Variants in HTR1F observed in about 807,000 individuals in gnomAD.
HTR1F encodes 5-hydroxytryptamine receptor 1F, also known as 5-hydroxytryptamine (serotonin) receptor 1F, G protein-coupled.
Under a neutral mutation model 24.0 loss-of-function variants are expected in HTR1F, and 17 were observed. The observed-to-expected ratio is 0.71, with a 90% CI of 0.48 to 1.06. The LOEUF (loss-of-function observed/expected upper bound fraction) is 1.06. Among genes scored for constraint, HTR1F ranks in the 50% least tolerant of loss-of-function variants. The pLI is 0.00. For synonymous variants in HTR1F, 186 were observed against 156.8 expected, an observed-to-expected ratio of 1.19 and a Z score of -1.39; for missense variants, 391 against 427.8, an observed-to-expected ratio of 0.91 and a Z score of 0.76.
At chr3:87,889,741 T>A (rs1706037974) in intron 2 of HTR1F, among the ~76,000 whole-genome samples, 2 of 152,190 alleles carry the variant, frequency 1.3e-5, no homozygotes, top group South Asian at 4.1e-4. Context: ...TTATTTAATG[T>A]CTGGAAACCT....
At chr3:87,850,359 C>CA (rs1705056371) in intron 2 of HTR1F, among the ~76,000 whole-genome samples, 1 of 151,640 alleles carries the variant, frequency 6.6e-6, no homozygotes, top group Non-Finnish European at 1.5e-5. Flanking sequence ...ATCGCAAGGA[C>CA]AAAAAACCAA....
intron 2 of HTR1F, among the ~76,000 whole-genome samples, chr3:87,977,719 C>T (rs557241325): frequency 6.6e-6 from 1 of 152,170 alleles, no homozygotes; most frequent in African/African-American, 2.4e-5. Flanking sequence ...CTGCTCCCCA[C>T]CAAAGCTGAG....
intron 2 of HTR1F, among the ~76,000 whole-genome samples, chr3:87,950,857 CT>C (rs1353175340): frequency 6.6e-6 from 1 of 152,076 alleles, no homozygotes; most frequent in African/African-American, 2.4e-5. Context: ...TAATACAGTC[CT>C]AAATAATGTC....
intron 2 of HTR1F, among the ~76,000 whole-genome samples, chr3:87,948,252 A>T (rs1425758354): frequency 1.3e-5 from 2 of 152,196 alleles, no homozygotes; most frequent in Non-Finnish European, 2.9e-5. Context: ...TTATTATAAT[A>T]ACTTCTGTGA....
chr3:87,843,250 C>G (rs975979404), intron 2 of HTR1F, among the ~76,000 whole-genome samples: 2 of 151,878 alleles, frequency 1.3e-5, no homozygotes, highest in Non-Finnish European at 2.9e-5. Context: ...AACATAGGCT[C>G]AAATTATTTT....
intron 2 of HTR1F, among the ~76,000 whole-genome samples, chr3:87,987,220 G>C (rs1705682207): frequency 6.6e-6 from 1 of 152,044 alleles, no homozygotes; most frequent in African/African-American, 2.4e-5. Flanking sequence ...TTAATATTTA[G>C]TGCAAATTTT....
chr3:87,837,641 T>C (rs1021450965), intron 2 of HTR1F, among the ~76,000 whole-genome samples: 1 of 152,066 alleles, frequency 6.6e-6, no homozygotes, highest in Non-Finnish European at 1.5e-5. Flanking sequence ...ACAGTAGAAA[T>C]AGATGAATAT....
At chr3:87,922,020 T>C (rs1011789305) in intron 2 of HTR1F, among the ~76,000 whole-genome samples, 7 of 152,030 alleles carry the variant, frequency 4.6e-5, no homozygotes, top group Non-Finnish European at 8.8e-5. Context: ...ACATACTGAT[T>C]TCCTTTCTTT....
In HTR1F at chr3:87,991,232, G is replaced by C; in HGVS notation, c.483G>C (p.Trp161Cys). 1.2e-6 allele frequency: 2 copies of C among 1,613,970 alleles called. No homozygotes were observed. Among genetic ancestry groups the C allele is most frequent in the Non-Finnish European group, 8.5e-7 (1 of 1,179,990 alleles). Residue 161 changes from tryptophan (W) to cysteine (C), a missense_variant, in exon 3 of 3, where the codon TGG becomes TGC. Transcript: ENST00000319595. ...TTATCTCTATGCCTCCTCTATTCTGGAGGCACCAAGGAACTAGCAGAGATG... is the reference window on the plus strand; with the variant it reads ...TTATCTCTATGCCTCCTCTATTCTGCAGGCACCAAGGAACTAGCAGAGATG... Reference protein sequence around the residue: ...SVFISMPPLFWRHQGTSRDDE... With the variant: ...SVFISMPPLFCRHQGTSRDDE...
At chr3:87,830,264 G>T (rs1352377153) in intron 2 of HTR1F, among the ~76,000 whole-genome samples, 2 of 151,988 alleles carry the variant, frequency 1.3e-5, no homozygotes, top group Non-Finnish European at 2.9e-5. Flanking sequence ...TGGTGTAAAA[G>T]GTAGAACAGT....
At chr3:87,837,842 A>G (rs1198698522) in intron 2 of HTR1F, among the ~76,000 whole-genome samples, 2 of 152,076 alleles carry the variant, frequency 1.3e-5, no homozygotes, top group Non-Finnish European at 2.9e-5. Flanking sequence ...GACTTTAGAC[A>G]ATAAAATATT....
chr3:87,794,632 A>T (rs1054527872), intron 1 of HTR1F, among the ~76,000 whole-genome samples: 6 of 152,184 alleles, frequency 3.9e-5, no homozygotes, highest in Admixed American at 3.3e-4. Flanking sequence ...CTTATTACAG[A>T]GCTAATGAGC....
chr3:87,839,008 T>A (rs1260677426), intron 2 of HTR1F, among the ~76,000 whole-genome samples: 1 of 101,222 alleles, frequency 9.9e-6, no homozygotes, highest in Admixed American at 8.9e-5. Context: ...TATTTATTTA[T>A]TTTATTTTTA....
intron 2 of HTR1F, among the ~76,000 whole-genome samples, chr3:87,963,992 A>G (rs577865212): frequency 2.6e-5 from 4 of 152,202 alleles, no homozygotes; most frequent in Admixed American, 2.0e-4. Context: ...ATCTCCAGGA[A>G]CTTTCTCCAA....
intron 2 of HTR1F, among the ~76,000 whole-genome samples, chr3:87,953,350 GGC>G (rs1704875467): frequency 9.7e-6 from 1 of 103,262 alleles, no homozygotes; most frequent in African/African-American, 7.9e-5. Flanking sequence ...TCGATTTAAC[GGC>G]AAAAAAAAAA....
intron 2 of HTR1F, among the ~76,000 whole-genome samples, chr3:87,927,517 T>C (rs1328348682): frequency 6.6e-6 from 1 of 152,144 alleles, no homozygotes; most frequent in Admixed American, 6.6e-5. Context: ...AAAAAATGTA[T>C]ATTATATTAT....
chr3:87,906,476 TGATA>T, intron 2 of HTR1F, among the ~76,000 whole-genome samples: 1 of 152,248 alleles, frequency 6.6e-6, no homozygotes, highest in East Asian at 1.9e-4. Context: ...GACAGTCTCC[TGATA>T]AATAATGCTG....
At chr3:87,809,012 A>G (rs1278104777) in intron 1 of HTR1F, among the ~76,000 whole-genome samples, 5 of 151,690 alleles carry the variant, frequency 3.3e-5, no homozygotes, top group Admixed American at 3.3e-4. Context: ...TTGGTTCCTA[A>G]CATATTATTA....
chr3:87,822,354 G>A (rs1704376914), intron 2 of HTR1F, among the ~76,000 whole-genome samples: 1 of 152,074 alleles, frequency 6.6e-6, no homozygotes, highest in South Asian at 2.1e-4. Flanking sequence ...AGGAAAATAG[G>A]GTGGAGACTT....
Sources: allele counts gnomAD v4.1 joint callset (sites outside exome capture counted in the v4.1 genomes callset), GRCh38; gene constraint gnomAD v4.1.1; transcripts MANE v1.5; gene names NCBI Gene and HGNC (gene_info 2026-07-23, HGNC 2026-07-21).